ANKRD55: variants seen among roughly 807,000 people sequenced by gnomAD.
ANKRD55 encodes the protein ankyrin repeat domain-containing protein 55.
In ANKRD55, 41 loss-of-function variants were observed where a neutral mutation model predicts 60.6. That is an observed-to-expected ratio of 0.68 (90% CI 0.53 to 0.88). ANKRD55 has a LOEUF of 0.88. Ranked by LOEUF, ANKRD55 falls within the 40% of genes least tolerant of loss-of-function variation. ANKRD55 has a pLI of 0.00. For missense variants in ANKRD55, 732 were observed against 767.6 expected, an observed-to-expected ratio of 0.95 and a Z score of 0.55; for synonymous variants, 264 against 290.3, an observed-to-expected ratio of 0.91 and a Z score of 0.92.
chr5:56,208,975 T>G (rs1005704927), intron 2 of ANKRD55, among the ~76,000 whole-genome samples: 19 of 151,978 alleles, frequency 1.3e-4, no homozygotes, highest in Non-Finnish European at 2.5e-4. Context: ...TTTTTTTTTT[T>G]GAGTCAGAGT....
At position 56,111,740 on chromosome 5, in the gene ANKRD55, G is replaced by T. The variant is rs745463920; in HGVS notation, c.1008C>A (p.Pro336=). 1 of 1,515,670 alleles carries T rather than the reference G, an allele frequency of 6.6e-7. No homozygotes were observed. The highest frequency in any genetic ancestry group is 8.8e-7 in the Non-Finnish European group (1 of 1,136,630). The allele number at this position is 1,515,670 out of a possible 1,614,324, so 93.9% of individuals were successfully genotyped here. ...CGTTGAACCGTCTCTCCTTCTTCTG[G>T]GGCCGACTGCTCTGGGAGGGAGGGG... ...TRPPPSQSSR[P]QKKERRFNVL... Residue 336 remains proline (P), a synonymous_variant, in exon 10 of 12, where the codon CCC becomes CCA. Transcript: ENST00000341048.
chr5:56,211,827 A>G lies in ANKRD55; in HGVS notation c.58+21029T>C, dbSNP rs1357951037. 3.9e-5 allele frequency among the ~76,000 whole-genome samples: 6 copies of G among 152,230 alleles called. No homozygotes were observed. In the South Asian group the frequency reaches 6.2e-4, roughly 16 times the overall value. ...AAAATAACCTTTAAATATTAACCCA[A>G]AATTGGAAGCACACCTGTGAACAAT... is the stretch of plus-strand genomic sequence containing the variant. On this transcript the variant is annotated intron_variant, in intron 2 of 11. Coordinates refer to ENST00000341048, the MANE Select transcript of ANKRD55 (RefSeq NM_024669.3).
chr5:56,100,420 T>G (rs1756237619), intron 11 of ANKRD55, 116 bp from the exon 12 acceptor site: 32 of 1,268,872 alleles, frequency 2.5e-5, no homozygotes, highest in Middle Eastern at 4.1e-4. Flanking sequence ...TGTGTCTTGG[T>G]GAGAGCTAGA....
chr5:56,176,049 C>G, intron 4 of ANKRD55, 103 bp downstream of exon 4: 2 of 1,425,988 alleles, frequency 1.4e-6, no homozygotes, highest in South Asian at 2.6e-5. Flanking sequence ...GCTCCTTTAG[C>G]CAGCTGCATA....
rs772281848 is a variant in ANKRD55 at position 56,151,837 on chromosome 5, A to ATG, written c.484-7909_484-7908insCA. 4.3e-4 allele frequency among the ~76,000 whole-genome samples: 64 copies of ATG among 148,756 alleles called. 1 individual carries two copies. The highest frequency in any genetic ancestry group is 8.8e-4 in the Non-Finnish European group (59 of 67,276). ...CGGAAAAAAAAAAATCTATATATAT[A>ATG]TATGTGTGTGTGTATATATATGTAT... On this transcript the variant is annotated intron_variant, in intron 6 of 11. Coordinates refer to ENST00000341048, the MANE Select transcript of ANKRD55 (RefSeq NM_024669.3).
chr5:56,188,557 C>A (rs540741494), intron 2 of ANKRD55, among the ~76,000 whole-genome samples: 4 of 152,232 alleles, frequency 2.6e-5, no homozygotes, highest in Admixed American at 1.3e-4. Flanking sequence ...TCTTCCAGCA[C>A]CTTTTATTGA....
intron 7 of ANKRD55, among the ~76,000 whole-genome samples, chr5:56,139,964 G>A (rs577977991): frequency 5.8e-4 from 88 of 152,274 alleles, no homozygotes; most frequent in African/African-American, 1.9e-3. Flanking sequence ...AGCTACTAGG[G>A]AGGCCGAGTG....
chr5:56,131,599 C>G (rs1158683577), intron 7 of ANKRD55, among the ~76,000 whole-genome samples: 1 of 151,556 alleles, frequency 6.6e-6, no homozygotes, highest in Non-Finnish European at 1.5e-5. Flanking sequence ...AGTTCGAGAC[C>G]AGCCTGATCA....
intron 7 of ANKRD55, among the ~76,000 whole-genome samples, chr5:56,143,253 T>A (rs1757816290): frequency 6.6e-6 from 1 of 152,230 alleles, no homozygotes; most frequent in South Asian, 2.1e-4. Flanking sequence ...CATTAGTGAT[T>A]ATTATTCTTT....
At chr5:56,200,738 T>A (rs988280494) in intron 2 of ANKRD55, among the ~76,000 whole-genome samples, 1 of 152,122 alleles carries the variant, frequency 6.6e-6, no homozygotes, top group Admixed American at 6.5e-5. Flanking sequence ...AAGGGCCAGG[T>A]CAGTGGAAGG....
intron 6 of ANKRD55, among the ~76,000 whole-genome samples, chr5:56,154,025 C>T (rs981432616): frequency 6.6e-6 from 1 of 150,906 alleles, no homozygotes; most frequent in Non-Finnish European, 1.5e-5. Flanking sequence ...CCCTGGCTAA[C>T]ACAGTGAAAC....
At chr5:56,141,826 G>A (rs867012430) in intron 7 of ANKRD55, among the ~76,000 whole-genome samples, 4 of 152,108 alleles carry the variant, frequency 2.6e-5, no homozygotes, top group Non-Finnish European at 5.9e-5. Context: ...TGACCATTTC[G>A]TCCAATTACA....
chr5:56,148,927 C>T (rs1399810373), intron 6 of ANKRD55, among the ~76,000 whole-genome samples: 1 of 152,014 alleles, frequency 6.6e-6, no homozygotes, highest in African/African-American at 2.4e-5. Flanking sequence ...TTTGAAGGAT[C>T]TAGAATTTCC....
Position 56,208,703 on chromosome 5 carries a change from G to A in ANKRD55, c.58+24153C>T, listed in dbSNP as rs1487089355. On this transcript the variant is annotated intron_variant, in intron 2 of 11. Transcript: ENST00000341048. ...CCTCCCAAAGTGCTGGATTACAGGC[G>A]TGAGCCACCGCGCCCAGTCCTGTGT... Among the ~76,000 whole-genome samples the A allele has an allele frequency of 2.6e-5, 4 of 152,070 alleles. No homozygotes were observed. In the South Asian group the frequency reaches 8.3e-4, roughly 32 times the overall value.
intron 10 of ANKRD55, among the ~76,000 whole-genome samples, chr5:56,106,761 T>G (rs1450931798): frequency 6.6e-6 from 1 of 152,016 alleles, no homozygotes; most frequent in East Asian, 1.9e-4. Context: ...ATGCCAGCAT[T>G]TTGGGAGGCC....
At chr5:56,229,108 T>C (rs1343247399) in intron 2 of ANKRD55, among the ~76,000 whole-genome samples, 1 of 150,304 alleles carries the variant, frequency 6.7e-6, no homozygotes, top group Non-Finnish European at 1.5e-5. Context: ...TTTTTTTTTT[T>C]TTCCCTGTTT....
chr5:56,117,540 G>A (rs185980127), intron 8 of ANKRD55, among the ~76,000 whole-genome samples: 4 of 151,842 alleles, frequency 2.6e-5, no homozygotes, highest in African/African-American at 9.7e-5. Flanking sequence ...TGCAACCTTC[G>A]CCTCCCAGGT....
intron 4 of ANKRD55, 106 bp from the exon 5 acceptor site, chr5:56,170,909 A>G (rs1758600082): frequency 5.9e-6 from 6 of 1,018,012 alleles, no homozygotes; most frequent in Non-Finnish European, 8.8e-6. Context: ...GGTTAAAAAC[A>G]TATTTTATTT....
At chr5:56,197,761 T>C (rs1759260658) in intron 2 of ANKRD55, among the ~76,000 whole-genome samples, 1 of 152,196 alleles carries the variant, frequency 6.6e-6, no homozygotes, top group African/African-American at 2.4e-5. Flanking sequence ...CTTACTGTAA[T>C]GAGATACGAA....
Sources: gnomAD v4.1 joint callset for allele counts (sites outside exome capture counted in the v4.1 genomes callset) on GRCh38, gnomAD v4.1.1 for gene constraint, MANE v1.5 for transcripts, NCBI Gene and HGNC (gene_info 2026-07-23, HGNC 2026-07-21) for gene names.